The following PLXDC2 variants were observed in gnomAD, a reference collection of about 807,000 sequenced individuals.
The protein encoded by PLXDC2 is plexin domain containing 2.
A neutral mutation model predicts 68.9 loss-of-function variants in PLXDC2; 40 were observed. The ratio of observed to expected loss-of-function variants is 0.58; its 90% CI spans 0.45 to 0.76. The LOEUF (loss-of-function observed/expected upper bound fraction) is 0.76. Among genes scored for constraint, PLXDC2 ranks in the 30% least tolerant of loss-of-function variants. The pLI is 0.00. For synonymous variants in PLXDC2, 243 were observed against 234.2 expected, an observed-to-expected ratio of 1.04 and a Z score of -0.34; for missense variants, 644 against 661.9, an observed-to-expected ratio of 0.97 and a Z score of 0.30.
chr10:19,994,873 G>C (rs1834816277), intron 1 of PLXDC2, among the ~76,000 whole-genome samples: 1 of 151,890 alleles, frequency 6.6e-6, no homozygotes. Flanking sequence ...CTCCCAAGTA[G>C]CTGGGATTAC....
chr10:20,164,432 A>G, intron 6 of PLXDC2, 36 bp from the exon 7 acceptor site: 5 of 1,510,196 alleles, frequency 3.3e-6, no homozygotes, highest in Non-Finnish European at 4.6e-6. Flanking sequence ...TGAAATTCAG[A>G]TCTAACATAT....
Position 20,046,857 on chromosome 10 carries a change from C to T in PLXDC2, c.325-12C>T. 6.3e-7 allele frequency: 1 copy of T among 1,589,666 alleles called. No homozygotes were observed. Among genetic ancestry groups the T allele is most frequent in the Non-Finnish European group, 8.5e-7 (1 of 1,170,378 alleles). On this transcript the variant is annotated splice_polypyrimidine_tract_variant and intron_variant, in intron 2 of 13. Transcript: ENST00000377252. ...CTCGGTTCTTGATATACATTATTAT[C>T]TATTATTGCAGGAGGATACAGACCA...
At chr10:20,226,847 C>A (rs1835293596) in intron 12 of PLXDC2, among the ~76,000 whole-genome samples, 1 of 152,206 alleles carries the variant, frequency 6.6e-6, no homozygotes, top group South Asian at 2.1e-4. Context: ...TCATTTTCTA[C>A]CTGCCCTGTT....
At chr10:20,204,568 T>G (rs1289737989) in intron 9 of PLXDC2, among the ~76,000 whole-genome samples, 1 of 152,168 alleles carries the variant, frequency 6.6e-6, no homozygotes, top group Non-Finnish European at 1.5e-5. Flanking sequence ...AAGGATCATA[T>G]AAATCACCAG....
intron 2 of PLXDC2, among the ~76,000 whole-genome samples, chr10:20,030,838 C>T (rs968959201): frequency 3.9e-5 from 6 of 152,156 alleles, no homozygotes; most frequent in African/African-American, 1.4e-4. Context: ...CCAATGGCCA[C>T]TTGGCTCTAT....
chr10:20,243,717 TATAAC>T (rs1390268042), intron 12 of PLXDC2, among the ~76,000 whole-genome samples: 10 of 152,134 alleles, frequency 6.6e-5, no homozygotes, highest in African/African-American at 2.4e-4. Flanking sequence ...AAAAAAAGCT[TATAAC>T]ATAGAGGCAA....
intron 7 of PLXDC2, among the ~76,000 whole-genome samples, chr10:20,166,658 C>T (rs1049813220): frequency 1.3e-5 from 2 of 152,006 alleles, no homozygotes; most frequent in East Asian, 1.9e-4. Context: ...GCGGCTTACT[C>T]AGCAGGGCTT....
intron 1 of PLXDC2, among the ~76,000 whole-genome samples, chr10:19,851,328 GT>G (rs1837114250): frequency 6.6e-6 from 1 of 152,112 alleles, no homozygotes; most frequent in African/African-American, 2.4e-5. Context: ...AATATTTAGG[GT>G]TTTTGTTGTT....
intron 4 of PLXDC2, among the ~76,000 whole-genome samples, chr10:20,089,169 CGTGTGTGTGTGTGTGTGTGTGTGT>C (rs34167804): frequency 2.1e-5 from 3 of 142,588 alleles, no homozygotes; most frequent in African/African-American, 7.5e-5. Flanking sequence ...CCTGTATATA[CGTGTGTGTGTGTGTGTGTGTGTGT>C]GTGTGTGTGT....
At chr10:20,137,918 A>G (rs553338105) in intron 4 of PLXDC2, among the ~76,000 whole-genome samples, 18 of 152,220 alleles carry the variant, frequency 1.2e-4, no homozygotes, top group African/African-American at 4.1e-4. Flanking sequence ...GTATGTGGGA[A>G]TGTGCCCTAG....
At chr10:19,991,203 G>A (rs1564649532) in intron 1 of PLXDC2, among the ~76,000 whole-genome samples, 1 of 150,714 alleles carries the variant, frequency 6.6e-6, no homozygotes, top group African/African-American at 2.4e-5. Flanking sequence ...CCGAGATCAT[G>A]CCATTGCACT....
chr10:20,147,798 G>A lies in PLXDC2; in HGVS notation c.679G>A (p.Val227Ile). 1 of 1,609,704 alleles carries A rather than the reference G, an allele frequency of 6.2e-7. No individual in the cohort carries two copies. Among genetic ancestry groups the A allele is most frequent in the Non-Finnish European group, 8.5e-7 (1 of 1,176,212 alleles). Residue 227 changes from valine to isoleucine, a missense_variant, in exon 6 of 14, where the codon GTC becomes ATC. Coordinates refer to ENST00000377252, the MANE Select transcript of PLXDC2 (RefSeq NM_032812.9). The stretch of plus-strand genomic sequence containing the variant: ...TGGGTGTATAGGCACAGCACTTGTG[G>A]TCCAGTGGGACCATGTACATCTCCA... The part of the protein sequence containing the change: ...RYFDNGTALV[V>I]QWDHVHLQDN...
At chr10:20,235,807 A>G (rs938091577) in intron 12 of PLXDC2, among the ~76,000 whole-genome samples, 12 of 152,220 alleles carry the variant, frequency 7.9e-5, no homozygotes, top group African/African-American at 2.9e-4. Flanking sequence ...CATATAAATG[A>G]TCTGTTTGAA....
chr10:19,984,539 A>G (rs545080235), intron 1 of PLXDC2, among the ~76,000 whole-genome samples: 1 of 152,328 alleles, frequency 6.6e-6, no homozygotes, highest in East Asian at 1.9e-4. Flanking sequence ...GGGTAGAAAC[A>G]TGTTAATTGT....
At chr10:19,944,925 C>G (rs149692087) in intron 1 of PLXDC2, among the ~76,000 whole-genome samples, 1 of 152,060 alleles carries the variant, frequency 6.6e-6, no homozygotes, top group African/African-American at 2.4e-5. Flanking sequence ...GCACTCCAGC[C>G]GGGGCAACAA....
At chr10:20,038,400 G>C (rs1453348661) in intron 2 of PLXDC2, among the ~76,000 whole-genome samples, 1 of 152,072 alleles carries the variant, frequency 6.6e-6, no homozygotes, top group African/African-American at 2.4e-5. Flanking sequence ...GTAACAACAT[G>C]GAAAAGATGT....
chr10:19,864,326 AG>A (rs1394006187), intron 1 of PLXDC2, among the ~76,000 whole-genome samples: 3 of 152,172 alleles, frequency 2.0e-5, no homozygotes, highest in Non-Finnish European at 4.4e-5. Flanking sequence ...TTTGAATATA[AG>A]AAAGAATGAT....
In PLXDC2 at chr10:20,277,959, A is replaced by C. The variant is rs141597054; in HGVS notation, c.1474-1744A>C. ...CGTGTGATGTTTGTGCCTTTCTGTG[A>C]CTAGCTTATTTCACTTAAGATAATG... On this transcript the variant is annotated intron_variant, in intron 13 of 13. Transcript: ENST00000377252. Among the ~76,000 whole-genome samples, 99 of 152,296 alleles carry C rather than the reference A, an allele frequency of 6.5e-4. 1 individual carries two copies. The highest frequency in any genetic ancestry group is 2.2e-3 in the African/African-American group (91 of 41,556).
At chr10:19,825,093 C>G (rs999518406) in intron 1 of PLXDC2, among the ~76,000 whole-genome samples, 1 of 152,132 alleles carries the variant, frequency 6.6e-6, no homozygotes, top group African/African-American at 2.4e-5. Flanking sequence ...CTGCTTGAGG[C>G]CTTATCATAG....
Sources: allele counts gnomAD v4.1 joint callset (sites outside exome capture counted in the v4.1 genomes callset), GRCh38; gene constraint gnomAD v4.1.1; transcripts MANE v1.5; gene names NCBI Gene and HGNC (gene_info 2026-07-23, HGNC 2026-07-21).